ATP2B2: variants seen among roughly 807,000 people sequenced by gnomAD.
ATP2B2 encodes ATPase plasma membrane Ca2+ transporting 2.
Under a neutral mutation model 120.0 loss-of-function variants are expected in ATP2B2, and 15 were observed. That is an observed-to-expected ratio of 0.12 (90% CI 0.08 to 0.19). The LOEUF (loss-of-function observed/expected upper bound fraction) is 0.19. ATP2B2 is among the 10% of genes least tolerant of loss of function. The pLI, the probability that ATP2B2 is intolerant of heterozygous loss-of-function variation, is 1.00. For synonymous variants in ATP2B2, 694 were observed against 700.3 expected (o/e 0.99, Z 0.14); for missense variants, 1,045 against 1,719.8 (o/e 0.61, Z 6.94).
intron 1 of ATP2B2, among the ~76,000 whole-genome samples, chr3:10,640,236 C>T (rs1337965960): frequency 6.6e-6 from 1 of 152,162 alleles, no homozygotes; most frequent in Non-Finnish European, 1.5e-5. Context: ...TTTCACCCTA[C>T]TGGACTTGCT....
chr3:10,499,928 A>G (rs1375113759), intron 1 of ATP2B2, among the ~76,000 whole-genome samples: 2 of 141,316 alleles, frequency 1.4e-5, no homozygotes, highest in East Asian at 4.1e-4. Flanking sequence ...ACTTGGGCAC[A>G]TTCTTTTTTT....
intron 1 of ATP2B2, among the ~76,000 whole-genome samples, chr3:10,456,022 T>C (rs1425611237): frequency 6.6e-6 from 1 of 152,240 alleles, no homozygotes; most frequent in Non-Finnish European, 1.5e-5. Context: ...TACATTTCAA[T>C]GACTCAAGAA....
chr3:10,522,497 G>T (rs1377011476), intron 3 of ATP2B2, among the ~76,000 whole-genome samples: 1 of 152,210 alleles, frequency 6.6e-6, no homozygotes, highest in East Asian at 1.9e-4. Flanking sequence ...GTAACTTTCT[G>T]TGTGCATAGC....
chr3:10,358,702 C>T lies in ATP2B2; in HGVS notation c.2125G>A (p.Val709Met). The T allele has an allele frequency of 6.2e-7, 1 of 1,614,202 alleles. No homozygotes were observed. ...CICVVGIEDP[V>M]RPEVPEAIRK... Reference sequence around the variant, plus strand: ...GCCCTGGGGCCTACCTCTGGCCGCACCGGGTCCTCGATGCCCACCACGCAG... The same window carrying T: ...GCCCTGGGGCCTACCTCTGGCCGCATCGGGTCCTCGATGCCCACCACGCAG... Residue 709 changes from valine to methionine, a missense_variant, in exon 14 of 23, where the codon GTG (valine) becomes ATG (methionine). Physicochemically the swap from Val to Met is conservative, Grantham distance 21 (BLOSUM62 1). Transcript: ENST00000360273.
At chr3:10,543,262 C>T (rs2067476268) in intron 2 of ATP2B2, among the ~76,000 whole-genome samples, 1 of 152,226 alleles carries the variant, frequency 6.6e-6, no homozygotes, top group African/African-American at 2.4e-5. Context: ...GTTGTTTAAG[C>T]CACCCAGTCT....
intron 12 of ATP2B2, among the ~76,000 whole-genome samples, chr3:10,361,085 C>A (rs1330387581): frequency 1.3e-5 from 2 of 152,192 alleles, no homozygotes; most frequent in African/African-American, 4.8e-5. Flanking sequence ...GCTGTACGTG[C>A]TGATAATCTG....
rs1010299528 is a variant in ATP2B2, at chr3:10,375,858, T to C, written c.1202-214A>G. On this transcript the variant is annotated intron_variant, in intron 10 of 22. Transcript: ENST00000360273. The surrounding 1 kb of genome is among the most constrained non-coding windows in gnomAD (Gnocchi z 4.2). Reference sequence around the variant, plus strand: ...TGCTCTGTACAATGGGGATGCATACTTCCTCCCCAAGATTTTGTAAGGCTC... The same window carrying C: ...TGCTCTGTACAATGGGGATGCATACCTCCTCCCCAAGATTTTGTAAGGCTC... Among the ~76,000 whole-genome samples the C allele has an allele frequency of 1.3e-5, 2 of 152,136 alleles. No homozygotes were observed. Among genetic ancestry groups the C allele is most frequent in the African/African-American group, 4.8e-5 (2 of 41,440 alleles).
intron 2 of ATP2B2, among the ~76,000 whole-genome samples, chr3:10,554,139 G>C (rs1243584292): frequency 6.6e-6 from 1 of 152,114 alleles, no homozygotes; most frequent in Non-Finnish European, 1.5e-5. Context: ...TTAACCCCAT[G>C]TATGGCGCTT....
intron 16 of ATP2B2, among the ~76,000 whole-genome samples, chr3:10,348,863 C>T (rs1218909653): frequency 6.6e-6 from 1 of 152,248 alleles, no homozygotes; most frequent in Non-Finnish European, 1.5e-5. Flanking sequence ...CCTGGCAGGA[C>T]CTCAGTAAAC....
chr3:10,590,787 C>G (rs1346496294), intron 2 of ATP2B2, among the ~76,000 whole-genome samples: 1 of 152,192 alleles, frequency 6.6e-6, no homozygotes, highest in Non-Finnish European at 1.5e-5. Context: ...GAGCCTGAAG[C>G]ATGTGCACCC....
intron 2 of ATP2B2, among the ~76,000 whole-genome samples, chr3:10,582,693 G>A (rs2068419012): frequency 6.6e-6 from 1 of 152,198 alleles, no homozygotes; most frequent in Admixed American, 6.5e-5. Context: ...TGGAGGCAGA[G>A]GGAACGGTAA....
intron 2 of ATP2B2, among the ~76,000 whole-genome samples, chr3:10,590,260 TGGA>T (rs1366863333): frequency 2.0e-5 from 3 of 152,200 alleles, no homozygotes; most frequent in African/African-American, 7.2e-5. Context: ...GCCAGGGATT[TGGA>T]GGAGGGAAAA....
intron 1 of ATP2B2, among the ~76,000 whole-genome samples, chr3:10,634,391 G>T (rs745988565): frequency 1.3e-5 from 2 of 152,174 alleles, no homozygotes; most frequent in Non-Finnish European, 2.9e-5. Context: ...CCCACTGGGG[G>T]CCGTGTCCAA....
At chr3:10,529,005 G>A (rs2067155714) in intron 3 of ATP2B2, among the ~76,000 whole-genome samples, 1 of 152,204 alleles carries the variant, frequency 6.6e-6, no homozygotes. Context: ...GGCAATAAAG[G>A]GGGTCCAGCA....
At chr3:10,519,823 ACT>A (rs1199646322) in intron 3 of ATP2B2, among the ~76,000 whole-genome samples, 1 of 152,094 alleles carries the variant, frequency 6.6e-6, no homozygotes, top group Non-Finnish European at 1.5e-5. Flanking sequence ...AACTCACTCC[ACT>A]CTCTGTGCCA....
chr3:10,348,460 C>T (rs933598527), intron 16 of ATP2B2, among the ~76,000 whole-genome samples: 4 of 152,238 alleles, frequency 2.6e-5, no homozygotes, highest in Admixed American at 6.5e-5. Context: ...CAGGCCATGA[C>T]GGGGTGCTCG....
intron 2 of ATP2B2, among the ~76,000 whole-genome samples, chr3:10,610,798 A>ACCT (rs1231955030): frequency 6.6e-6 from 1 of 151,824 alleles, no homozygotes; most frequent in African/African-American, 2.4e-5. Context: ...GCTGGAGGGA[A>ACCT]CCTTAGGCTG....
At chr3:10,363,234 C>T (rs778142924) in intron 12 of ATP2B2, among the ~76,000 whole-genome samples, 2 of 152,244 alleles carry the variant, frequency 1.3e-5, no homozygotes, top group African/African-American at 2.4e-5. Context: ...CAGGGACCCT[C>T]CCCTTTTCTC....
At chr3:10,411,921 C>G (rs767886619) in intron 2 of ATP2B2, among the ~76,000 whole-genome samples, 16 of 152,216 alleles carry the variant, frequency 1.1e-4, no homozygotes, top group Admixed American at 3.3e-4. Context: ...CACCCACCAT[C>G]TGCATTTCCA....
Sources: allele counts gnomAD v4.1 joint callset (sites outside exome capture counted in the v4.1 genomes callset), GRCh38; gene constraint gnomAD v4.1.1; non-coding constraint Gnocchi (gnomAD v3.1); transcripts MANE v1.5; gene names NCBI Gene and HGNC (gene_info 2026-07-23, HGNC 2026-07-21).